PKNOX1: variants seen among roughly 807,000 people sequenced by gnomAD.
The protein encoded by PKNOX1 is homeobox protein PKNOX1.
A neutral mutation model predicts 51.9 loss-of-function variants in PKNOX1; 15 were observed. That is an observed-to-expected ratio of 0.29 (90% confidence interval 0.19 to 0.45). The LOEUF (loss-of-function observed/expected upper bound fraction) is 0.45. PKNOX1 is among the 20% of genes least tolerant of loss of function. The probability of loss-of-function intolerance (pLI) is 1.00; values close to 1 mark genes in which losing one functional copy is unlikely to be tolerated. For missense variants in PKNOX1, 462 were observed against 547.5 expected (o/e 0.84, Z 1.56); for synonymous variants, 219 against 211.1 (o/e 1.04, Z -0.32).
chr21:42,977,058 A>G (rs2059000763), intron 1 of PKNOX1, among the ~76,000 whole-genome samples: 2 of 152,216 alleles, frequency 1.3e-5, no homozygotes, highest in South Asian at 4.1e-4. Flanking sequence ...GTGACTAGGT[A>G]CATTGTCAGT....
Position 43,007,476 on chromosome 21 carries a change from T to G in PKNOX1, c.52-15T>G, listed in dbSNP as rs747885080. The G allele has an allele frequency of 1.2e-6, 2 of 1,612,822 alleles. No homozygotes were observed. Among genetic ancestry groups the G allele is most frequent in the African/African-American group, 2.7e-5 (2 of 75,010 alleles). On this transcript the variant is annotated splice_polypyrimidine_tract_variant and intron_variant, in intron 2 of 10. Coordinates refer to ENST00000291547, the MANE Select transcript of PKNOX1 (RefSeq NM_004571.5). ...TTTGTGTTTGCTAATAAGAATTATCTTCCTCCTTTTACAGATGCAAGTAGT... is the reference window on the plus strand; with the variant it reads ...TTTGTGTTTGCTAATAAGAATTATCGTCCTCCTTTTACAGATGCAAGTAGT...
At chr21:42,979,610 C>T (rs545238392) in intron 1 of PKNOX1, among the ~76,000 whole-genome samples, 38 of 152,218 alleles carry the variant, frequency 2.5e-4, no homozygotes, top group South Asian at 4.2e-4. Flanking sequence ...GGCGTAGTGG[C>T]GGGCACCTGT....
intron 1 of PKNOX1, among the ~76,000 whole-genome samples, chr21:42,984,974 CTTTTTTTTTT>C (rs71195904): frequency 0.012 from 699 of 58,084 alleles, 3 homozygotes; most frequent in African/African-American, 0.015. Flanking sequence ...ATTTTCTTTT[CTTTTTTTTTT>C]TTTTTTTTTT....
chr21:42,989,156 CTT>C (rs577968609), intron 1 of PKNOX1, among the ~76,000 whole-genome samples: 1 of 146,744 alleles, frequency 6.8e-6, no homozygotes. Context: ...TAATTTCCAA[CTT>C]TTTTTTTTTT....
intron 1 of PKNOX1, among the ~76,000 whole-genome samples, chr21:42,974,946 G>A (rs1254034662): frequency 6.9e-6 from 1 of 144,942 alleles, no homozygotes; most frequent in Non-Finnish European, 1.5e-5. Context: ...GTGGGTTGAG[G>A]GACGCGGAAA....
rs1267200259 is a variant in PKNOX1, at chr21:43,018,549, T to C, written c.720+319T>C. 2.3e-5 allele frequency among the ~76,000 whole-genome samples: 3 copies of C among 128,998 alleles called. No individual in the cohort carries two copies. The East Asian group carries it at 6.8e-4, about 29-fold the overall frequency. The allele number at this position is 128,998 out of a possible 152,430, so 84.6% of individuals were successfully genotyped here. A position where few individuals can be genotyped will look rare whatever the true frequency, so the allele number is the denominator to read the frequency against. On this transcript the variant is annotated intron_variant, in intron 7 of 10. Transcript: ENST00000291547. ...AGAGTTATCCAGTGCTAACGTTGGA[T>C]CATGTGCACGTGCACCAGGGGCAGA...
At chr21:43,028,568 A>C in intron 9 of PKNOX1, 134 bp from the exon 10 acceptor site, 6 of 754,978 alleles carry the variant, frequency 7.9e-6, no homozygotes, top group South Asian at 1.7e-5. Context: ...TTAAGTAGTT[A>C]CTATAGTGGA....
chr21:43,011,234 A>AT (rs370150003), intron 4 of PKNOX1, among the ~76,000 whole-genome samples: 6 of 150,378 alleles, frequency 4.0e-5, no homozygotes, highest in African/African-American at 1.5e-4. Context: ...CGCCCGGCTA[A>AT]TTTTTTTTGT....
intron 1 of PKNOX1, among the ~76,000 whole-genome samples, chr21:42,992,107 C>T (rs190267059): frequency 6.6e-6 from 1 of 152,312 alleles, no homozygotes; most frequent in Admixed American, 6.5e-5. Context: ...TGGTGCTTGC[C>T]TCATGGGCCA....
intron 2 of PKNOX1, 42 bp downstream of exon 2, chr21:43,004,474 C>G (rs1555860061): frequency 2.2e-6 from 3 of 1,354,848 alleles, no homozygotes; most frequent in Non-Finnish European, 3.2e-6. Context: ...ACAAATCAAC[C>G]TGGCACTCAA....
At chr21:43,000,111 A>G (rs1190299916) in intron 1 of PKNOX1, among the ~76,000 whole-genome samples, 1 of 152,028 alleles carries the variant, frequency 6.6e-6, no homozygotes, top group African/African-American at 2.4e-5. Flanking sequence ...AAGCCATTCA[A>G]CAAGTCTCTA....
intron 1 of PKNOX1, among the ~76,000 whole-genome samples, chr21:42,982,951 A>G (rs1222021682): frequency 2.0e-5 from 3 of 151,694 alleles, no homozygotes; most frequent in Non-Finnish European, 4.4e-5. Context: ...CTGGGATTAC[A>G]GGTGCCCACC....
chr21:43,013,798 T>G lies in PKNOX1; in HGVS notation c.522+560T>G, dbSNP rs192550344. Among the ~76,000 whole-genome samples the G allele has an allele frequency of 1.3e-3, 204 of 152,266 alleles. 1 individual carries two copies. Among genetic ancestry groups the G allele is most frequent in the African/African-American group, 4.7e-3 (194 of 41,542 alleles). ...TCATGTTAAGCGGAATCGTACAGTG[T>G]TTGTCCTTCTGGATCCTTTGCTTGT... On this transcript the variant is annotated intron_variant, in intron 5 of 10. Transcript: ENST00000291547.
chr21:43,024,831 A>G (rs1238159523), intron 8 of PKNOX1, 40 bp from the exon 9 acceptor site: 1 of 1,297,700 alleles, frequency 7.7e-7, no homozygotes, highest in African/African-American at 1.5e-5. Context: ...TTTCCTTTGT[A>G]AACTCGAAGG....
intron 1 of PKNOX1, among the ~76,000 whole-genome samples, chr21:42,982,691 A>T (rs2059032722): frequency 6.9e-6 from 1 of 143,946 alleles, no homozygotes; most frequent in Non-Finnish European, 1.5e-5. Flanking sequence ...AGATCGCGCC[A>T]TTGCACTCCA....
At chr21:42,997,958 T>G (rs1276301328) in intron 1 of PKNOX1, among the ~76,000 whole-genome samples, 1 of 152,126 alleles carries the variant, frequency 6.6e-6, no homozygotes, top group Non-Finnish European at 1.5e-5. Context: ...GCAGAGGCAA[T>G]TTTAAGCATG....
chr21:42,992,956 CTT>C (rs1348360016), intron 1 of PKNOX1, among the ~76,000 whole-genome samples: 1 of 136,498 alleles, frequency 7.3e-6, no homozygotes, highest in Non-Finnish European at 1.5e-5. Context: ...CATTAGGGGG[CTT>C]TCTCATAGCA....
chr21:43,014,019 CTTTTTTT>C (rs149943829), intron 5 of PKNOX1, among the ~76,000 whole-genome samples: 1 of 120,428 alleles, frequency 8.3e-6, no homozygotes, highest in Admixed American at 8.3e-5. Flanking sequence ...TGTCTTTTGC[CTTTTTTT>C]TTTTTTTTTT....
In PKNOX1 at chr21:43,026,475, C is replaced by T. The variant is rs3827239; in HGVS notation, c.926+1528C>T. Among the ~76,000 whole-genome samples, 254 of 152,226 alleles carry T rather than the reference C, an allele frequency of 1.7e-3. 4 individuals are homozygous for T. Among genetic ancestry groups the T allele is most frequent in the Admixed American group, 0.014 (213 of 15,282 alleles). ...ATAAGAATGATTTAAAAACACATTA[C>T]AGGCCAGGCGCGGTGGCTCACACCT... On this transcript the variant is annotated intron_variant, in intron 9 of 10. Coordinates refer to ENST00000291547, the MANE Select transcript of PKNOX1 (RefSeq NM_004571.5).
Sources: gnomAD v4.1 joint callset for allele counts (sites outside exome capture counted in the v4.1 genomes callset) on GRCh38, gnomAD v4.1.1 for gene constraint, MANE v1.5 for transcripts, NCBI Gene and HGNC (gene_info 2026-07-23, HGNC 2026-07-21) for gene names.